The following MTMR12 variants were observed in gnomAD, a reference collection of about 807,000 sequenced individuals.
The protein encoded by MTMR12 is myotubularin-related protein 12.
A neutral mutation model predicts 96.7 loss-of-function variants in MTMR12; 33 were observed. The observed-to-expected ratio is 0.34, with a 90% CI of 0.26 to 0.46. The LOEUF (loss-of-function observed/expected upper bound fraction) is 0.46, where lower values mean the gene tolerates loss of function less well. Among genes scored for constraint, MTMR12 ranks in the 20% least tolerant of loss-of-function variants. The pLI, the probability that MTMR12 is intolerant of heterozygous loss-of-function variation, is 1.00. For synonymous variants in MTMR12, 298 were observed against 327.2 expected (o/e 0.91, Z 0.96); for missense variants, 721 against 896.1 (o/e 0.80, Z 2.49).
chr5:32,266,636 C>T (rs1030405035), intron 6 of MTMR12, among the ~76,000 whole-genome samples: 22 of 150,656 alleles, frequency 1.5e-4, no homozygotes, highest in African/African-American at 4.9e-4. Flanking sequence ...TGCAGTGAGC[C>T]GAGATCCCGC....
chr5:32,243,609 GA>G lies in MTMR12; in HGVS notation c.1022-11del. Reference sequence around the variant, plus strand: ...AATTCAGTACTGTTATCTGAAAAAAGAAAAAGGAGTAAAGACGTCAGGTCAT... The same window carrying G: ...AATTCAGTACTGTTATCTGAAAAAAGAAAAGGAGTAAAGACGTCAGGTCAT... On this transcript the variant is annotated splice_polypyrimidine_tract_variant and intron_variant, in intron 10 of 15. Transcript: ENST00000382142. 3.8e-6 allele frequency: 6 copies of G among 1,561,088 alleles called. No homozygotes were observed. The highest frequency in any genetic ancestry group is 5.3e-6 in the Non-Finnish European group (6 of 1,134,488).
rs375959852 is a variant in MTMR12, at chr5:32,228,569, C to CATATATATATAATATATATGTGAT, written c.*1208_*1209insATCACATATATATTATATATATAT. 8.9e-6 allele frequency: 1 copy of CATATATATATAATATATATGTGAT among 112,508 alleles called. No individual in the cohort carries two copies. The highest frequency in any genetic ancestry group is 1.7e-5 in the Non-Finnish European group (1 of 58,028). 7.0% of individuals were successfully genotyped at this position (112,508 alleles called of 1,614,324 possible). A position where few individuals can be genotyped will look rare whatever the true frequency, so the allele number is the denominator to read the frequency against. ...TCATATATATGTGATATATATATAT[C>CATATATATATAATATATATGTGAT]ATATATATATCATATATATGTGATA... On this transcript the variant is annotated 3_prime_UTR_variant, in exon 16 of 16. Transcript: ENST00000382142.
chr5:32,307,117 T>C (rs373334917), intron 1 of MTMR12, among the ~76,000 whole-genome samples: 43 of 152,302 alleles, frequency 2.8e-4, no homozygotes, highest in East Asian at 2.3e-3. Context: ...AAAATATATA[T>C]ATACCTACAC....
At position 32,237,007 on chromosome 5, in the gene MTMR12, G is replaced by A. The variant is rs181342308; in HGVS notation, c.1345-1878C>T. 2.0e-5 allele frequency among the ~76,000 whole-genome samples: 3 copies of A among 152,184 alleles called. No individual in the cohort carries two copies. In the East Asian group the frequency reaches 5.8e-4, roughly 29 times the overall value. On this transcript the variant is annotated intron_variant, in intron 13 of 15. Transcript: ENST00000382142. ...GATGTGATTTCTATTCAGCTCAATG[G>A]GACACAGATAAGTACAGGCCAGGCC...
chr5:32,287,529 C>T (rs1162120759), intron 1 of MTMR12, among the ~76,000 whole-genome samples: 1 of 152,088 alleles, frequency 6.6e-6, no homozygotes, highest in African/African-American at 2.4e-5. Context: ...TAATAAACTC[C>T]CCTTTATATA....
chr5:32,245,412 A>C (rs984537789), intron 10 of MTMR12, among the ~76,000 whole-genome samples: 1 of 152,250 alleles, frequency 6.6e-6, no homozygotes, highest in Non-Finnish European at 1.5e-5. Flanking sequence ...ATGCCTAATG[A>C]GTTCCCATCA....
At chr5:32,246,265 C>T (rs1395648529) in intron 10 of MTMR12, among the ~76,000 whole-genome samples, 2 of 151,456 alleles carry the variant, frequency 1.3e-5, no homozygotes, top group African/African-American at 4.9e-5. Flanking sequence ...CTCTCGGGTT[C>T]ATTTTCCTGC....
In MTMR12 at chr5:32,233,117, C is replaced by T; in HGVS notation, c.1674+656G>A. ...ATTTGTGGCTCATAGCATAGGTCAG[C>T]AAACTGGCCACCCCTCCGGCCAAAT... On this transcript the variant is annotated intron_variant, in intron 15 of 15. Coordinates refer to ENST00000382142, the MANE Select transcript of MTMR12 (RefSeq NM_001040446.3). This position sits in a 1 kb window ranked among gnomAD's most constrained non-coding sequence, Gnocchi z 5.0. 1.5e-6 allele frequency: 1 copy of T among 683,792 alleles called. No individual in the cohort carries two copies. The highest frequency in any genetic ancestry group is 1.8e-6 in the Non-Finnish European group (1 of 554,854). 42.4% of individuals were successfully genotyped at this position (683,792 alleles called of 1,614,324 possible).
chr5:32,243,590 G>A lies in MTMR12; in HGVS notation c.1031C>T (p.Thr344Ile), dbSNP rs758355627. The change falls in exon 11 of 16, where the codon ACT becomes ATT. Residue 344 changes from threonine (T) to isoleucine (I), a missense_variant. By Grantham distance (89) the Thr-to-Ile change is moderately conservative. Coordinates refer to ENST00000382142, the MANE Select transcript of MTMR12 (RefSeq NM_001040446.3). ...TTTTATATCTGTGTCCCAAAATTCA[G>A]TACTGTTATCTGAAAAAAGAAAAAG... The part of the protein sequence containing the change: ...FKQLFLIDNS[T>I]EFWDTDIKWF... 1 of 1,606,330 alleles carries A rather than the reference G, an allele frequency of 6.2e-7. No homozygotes were observed. Among genetic ancestry groups the A allele is most frequent in the Non-Finnish European group, 8.5e-7 (1 of 1,173,768 alleles).
intron 10 of MTMR12, among the ~76,000 whole-genome samples, chr5:32,245,295 C>T (rs1476195977): frequency 1.3e-5 from 2 of 152,186 alleles, no homozygotes; most frequent in Non-Finnish European, 2.9e-5. Context: ...CTCGGCCTCC[C>T]AAAGTGCTGC....
Position 32,239,177 on chromosome 5 carries a change from G to C in MTMR12, c.1172-4C>G, listed in dbSNP as rs769874740. On this transcript the variant is annotated splice_region_variant and splice_polypyrimidine_tract_variant and intron_variant, in intron 12 of 15. Coordinates refer to ENST00000382142, the MANE Select transcript of MTMR12 (RefSeq NM_001040446.3). ...CAGAGGTCGGATGCATTCTCCTCTA[G>C]GAGAGGCCCCAGCAGCAGTGCAAAG... 1.9e-6 allele frequency: 3 copies of C among 1,576,226 alleles called. No individual in the cohort carries two copies. The highest frequency in any genetic ancestry group is 2.3e-5 in the East Asian group (1 of 44,102).
intron 1 of MTMR12, among the ~76,000 whole-genome samples, chr5:32,305,123 C>G (rs1751305575): frequency 6.6e-6 from 1 of 152,116 alleles, no homozygotes; most frequent in Non-Finnish European, 1.5e-5. Context: ...GGGTCTTGCT[C>G]TGTCGCCCAG....
chr5:32,311,709 T>C (rs1751604347), intron 1 of MTMR12, among the ~76,000 whole-genome samples: 1 of 152,242 alleles, frequency 6.6e-6, no homozygotes, highest in African/African-American at 2.4e-5. Context: ...CCTCCTCTCC[T>C]ATGACTGTCC....
At chr5:32,251,141 C>T (rs1445753614) in intron 8 of MTMR12, among the ~76,000 whole-genome samples, 3 of 150,282 alleles carry the variant, frequency 2.0e-5, no homozygotes, top group African/African-American at 7.3e-5. Flanking sequence ...CTGCAAGCTC[C>T]GCCTCCCGGG....
At chr5:32,290,801 G>A (rs777748487) in intron 1 of MTMR12, among the ~76,000 whole-genome samples, 2 of 152,202 alleles carry the variant, frequency 1.3e-5, no homozygotes, top group Non-Finnish European at 1.5e-5. Flanking sequence ...GAGGCCTCCA[G>A]GATTTTGGAG....
At chr5:32,297,596 T>C (rs890803085) in intron 1 of MTMR12, among the ~76,000 whole-genome samples, 5 of 151,458 alleles carry the variant, frequency 3.3e-5, no homozygotes, top group African/African-American at 9.7e-5. Context: ...CTCATTAAGA[T>C]GCAAACTAAA....
intron 7 of MTMR12, among the ~76,000 whole-genome samples, chr5:32,257,281 C>T (rs1749177602): frequency 6.6e-6 from 1 of 152,206 alleles, no homozygotes; most frequent in Non-Finnish European, 1.5e-5. Context: ...CACTGTGCTA[C>T]TGCACTTAAG....
Position 32,306,715 on chromosome 5 carries a change from C to T in MTMR12, c.81+6043G>A, listed in dbSNP as rs979966051. Among the ~76,000 whole-genome samples the T allele has an allele frequency of 3.9e-5, 6 of 152,300 alleles. No homozygotes were observed. The East Asian group carries it at 1.2e-3, about 29-fold the overall frequency. On this transcript the variant is annotated intron_variant, in intron 1 of 15. Transcript: ENST00000382142. The stretch of plus-strand genomic sequence containing the variant: ...TTTTTATCTCTGTTCTGCAATAACA[C>T]TGTGTCCGTGGGCAAGATATTAAAC...
At chr5:32,292,863 G>T (rs1302873533) in intron 1 of MTMR12, among the ~76,000 whole-genome samples, 1 of 152,226 alleles carries the variant, frequency 6.6e-6, no homozygotes, top group Non-Finnish European at 1.5e-5. Flanking sequence ...CACGTGACCA[G>T]CTGCAGAAAT....
Sources: allele counts gnomAD v4.1 joint callset (sites outside exome capture counted in the v4.1 genomes callset), GRCh38; gene constraint gnomAD v4.1.1; non-coding constraint Gnocchi (gnomAD v3.1); transcripts MANE v1.5; gene names NCBI Gene and HGNC (gene_info 2026-07-23, HGNC 2026-07-21).